Variants in JPH3 observed in about 807,000 individuals in gnomAD.
JPH3 encodes junctophilin-3.
Under a neutral mutation model 59.6 loss-of-function variants are expected in JPH3, and 11 were observed. The ratio of observed to expected loss-of-function variants is 0.18; its 90% CI spans 0.12 to 0.31. The LOEUF (loss-of-function observed/expected upper bound fraction) is 0.31. Ranked by LOEUF, JPH3 falls within the 10% of genes least tolerant of loss-of-function variation. The pLI, the probability that JPH3 is intolerant of heterozygous loss-of-function variation, is 1.00. For missense variants in JPH3, 1,202 were observed against 1,105.7 expected (o/e 1.09, Z -1.24); for synonymous variants, 673 against 483.6 (o/e 1.39, Z -5.14).
At chr16:87,675,188 C>T (rs2033113713) in intron 2 of JPH3, among the ~76,000 whole-genome samples, 1 of 146,012 alleles carries the variant, frequency 6.8e-6, no homozygotes, top group South Asian at 2.3e-4. Context: ...CCCCCCGCCC[C>T]TCCCCCGCCG....
rs565470642 is a variant in JPH3 at position 87,644,739 on chromosome 16, C to T, written c.864C>T (p.Tyr288=). The change falls in exon 2 of 5, where the codon TAC becomes TAT. Residue 288 remains tyrosine, a synonymous_variant. Transcript: ENST00000284262. ...TCGACGCCACCACCACCGAGACCTA[C>T]GTGGGCGAGTGGAAGAACGACAAAC... ...DDIDATTTET[Y]VGEWKNDKRS... The T allele has an allele frequency of 4.5e-5, 73 of 1,613,062 alleles. No individual in the cohort carries two copies. The highest frequency in any genetic ancestry group is 4.1e-4 in the South Asian group (37 of 91,074).
rs143854485 is a variant in JPH3 at position 87,690,220 on chromosome 16, G to A, written c.1860G>A (p.Arg620=). Residue 620 remains arginine, a synonymous_variant, in exon 4 of 5, where the codon AGG becomes AGA. Coordinates refer to ENST00000284262, the MANE Select transcript of JPH3 (RefSeq NM_020655.4). Reference sequence around the variant, plus strand: ...GGATGGAGATGAAACCCTTGCTGAGGATGGAGACGCATCCCCAGAAAAGAC... The same window carrying A: ...GGATGGAGATGAAACCCTTGCTGAGAATGGAGACGCATCCCCAGAAAAGAC... The part of the protein sequence containing the change: ...NYRMEMKPLL[R]METHPQKRRY... The A allele has an allele frequency of 3.3e-5, 53 of 1,604,462 alleles. No homozygotes were observed. Among genetic ancestry groups the A allele is most frequent in the Non-Finnish European group, 4.3e-5 (51 of 1,176,108 alleles).
chr16:87,644,955 C>G lies in JPH3; in HGVS notation c.1080C>G (p.Arg360=), dbSNP rs142622776. The change falls in exon 2 of 5, where the codon CGC becomes CGG. Residue 360 remains arginine, a synonymous_variant. Transcript: ENST00000284262. ...NLIPLRASKI[R]EKVDRAVEAA... is the part of the protein sequence containing the mutation. ...TCCCCCTGCGGGCCAGCAAGATCCG[C>G]GAGAAGGTGGACCGCGCCGTTGAGG... 6.2e-7 allele frequency: 1 copy of G among 1,611,618 alleles called. No individual in the cohort carries two copies. The highest frequency in any genetic ancestry group is 1.7e-5 in the Admixed American group (1 of 60,012).
At chr16:87,640,400 A>G (rs1193244105) in intron 1 of JPH3, among the ~76,000 whole-genome samples, 1 of 150,284 alleles carries the variant, frequency 6.7e-6, no homozygotes, top group Non-Finnish European at 1.5e-5. Flanking sequence ...TTATTTATGT[A>G]TTTGTTTAGA....
intron 2 of JPH3, among the ~76,000 whole-genome samples, chr16:87,665,085 G>A (rs1313362206): frequency 6.6e-6 from 1 of 152,224 alleles, no homozygotes; most frequent in Non-Finnish European, 1.5e-5. Flanking sequence ...CTTCCTTGCC[G>A]GAGCTCATCC....
In JPH3 at chr16:87,696,959, C is replaced by G. The variant is rs888530900; in HGVS notation, c.*299C>G. Reference sequence around the variant, plus strand: ...GGAGACAGAAGGGATCCCGGCACATCAGTGGTAACAGCGGACGTTGTCCTC... The same window carrying G: ...GGAGACAGAAGGGATCCCGGCACATGAGTGGTAACAGCGGACGTTGTCCTC... On this transcript the variant is annotated 3_prime_UTR_variant, in exon 5 of 5. Coordinates refer to ENST00000284262, the MANE Select transcript of JPH3 (RefSeq NM_020655.4). The G allele has an allele frequency of 9.9e-6, 4 of 402,632 alleles. No homozygotes were observed. Among genetic ancestry groups the G allele is most frequent in the Non-Finnish European group, 1.9e-5 (4 of 214,194 alleles). 24.9% of individuals were successfully genotyped at this position (402,632 alleles called of 1,614,324 possible).
At chr16:87,685,833 A>G (rs1392981215) in intron 3 of JPH3, among the ~76,000 whole-genome samples, 2 of 152,206 alleles carry the variant, frequency 1.3e-5, no homozygotes, top group African/African-American at 2.4e-5. Context: ...GACAGGGAAC[A>G]TTGAAGCCTC....
At position 87,644,882 on chromosome 16, in the gene JPH3, G is replaced by T; in HGVS notation, c.1007G>T (p.Gly336Val). Residue 336 changes from glycine (G) to valine (V), a missense_variant, in exon 2 of 5, where the codon GGC becomes GTC. Coordinates refer to ENST00000284262, the MANE Select transcript of JPH3 (RefSeq NM_020655.4). Reference sequence around the variant, plus strand: ...TTCCCGGACGGCACCAAGGAGGAGGGCAAGTACAAGCAGAACATCCTCGTC... The same window carrying T: ...TTCCCGGACGGCACCAAGGAGGAGGTCAAGTACAAGCAGAACATCCTCGTC... ...MTFPDGTKEEGKYKQNILVGG... is the reference protein window; with the variant it reads ...MTFPDGTKEEVKYKQNILVGG... 2 of 1,613,348 alleles carry T rather than the reference G, an allele frequency of 1.2e-6. No individual in the cohort carries two copies. Among genetic ancestry groups the T allele is most frequent in the Non-Finnish European group, 1.7e-6 (2 of 1,179,920 alleles).
intron 1 of JPH3, among the ~76,000 whole-genome samples, chr16:87,623,626 A>G (rs2031268542): frequency 6.6e-6 from 1 of 152,052 alleles, no homozygotes; most frequent in African/African-American, 2.4e-5. Context: ...GGAGCTGCAG[A>G]CCCCGAGTTC....
chr16:87,647,300 C>A (rs1438889831), intron 2 of JPH3, among the ~76,000 whole-genome samples: 1 of 151,858 alleles, frequency 6.6e-6, no homozygotes, highest in African/African-American at 2.4e-5. Context: ...AGTCCCCAGC[C>A]CTTGGGACGC....
Position 87,690,299 on chromosome 16 carries a change from G to T in JPH3, c.1939G>T (p.Asp647Tyr). ...CTTGGGGGACGACCACCGCCCCGAG[G>T]ACCGGGGCTTCGGGGTGCAGAGACT... ...RGLGDDHRPE[D>Y]RGFGVQRLRS... The change falls in exon 4 of 5, where the codon GAC becomes TAC. Residue 647 changes from aspartate to tyrosine, a missense_variant. By Grantham distance (160) the Asp-to-Tyr change is radical (BLOSUM62 -3). Transcript: ENST00000284262. 6.3e-7 allele frequency: 1 copy of T among 1,597,414 alleles called. No homozygotes were observed. Among genetic ancestry groups the T allele is most frequent in the Non-Finnish European group, 8.5e-7 (1 of 1,172,482 alleles).
chr16:87,671,122 T>G (rs903003285), intron 2 of JPH3, among the ~76,000 whole-genome samples: 3 of 152,112 alleles, frequency 2.0e-5, no homozygotes, highest in African/African-American at 7.2e-5. Flanking sequence ...CATTGAGTCT[T>G]TGTAACTTGT....
At chr16:87,632,253 C>T (rs2031586704) in intron 1 of JPH3, among the ~76,000 whole-genome samples, 1 of 152,186 alleles carries the variant, frequency 6.6e-6, no homozygotes, top group Non-Finnish European at 1.5e-5. Context: ...CCAGTGCCTG[C>T]TGAAGCATTG....
chr16:87,694,612 TG>T (rs2033730156), intron 4 of JPH3: 1 of 152,614 alleles, frequency 6.6e-6, no homozygotes, highest in Non-Finnish European at 1.5e-5. Flanking sequence ...GGTGCGGCCC[TG>T]GAGAGCTGAC....
Position 87,644,611 on chromosome 16 carries a change from A to C in JPH3, c.736A>C (p.Ser246Arg). ...ACGCAGCAAGCAGAGCTCCTTTCGC[A>C]GCGAGGCGGGCATGAGCACCGTCAG... Reference protein sequence around the residue: ...SQRSKQSSFRSEAGMSTVSST... With the variant: ...SQRSKQSSFRREAGMSTVSST... Residue 246 changes from serine (S) to arginine (R), a missense_variant, in exon 2 of 5, where the codon AGC becomes CGC. Coordinates refer to ENST00000284262, the MANE Select transcript of JPH3 (RefSeq NM_020655.4). 6.2e-7 allele frequency: 1 copy of C among 1,612,716 alleles called. No individual in the cohort carries two copies. The highest frequency in any genetic ancestry group is 8.5e-7 in the Non-Finnish European group (1 of 1,179,854).
intron 2 of JPH3, among the ~76,000 whole-genome samples, chr16:87,673,318 A>T (rs888520302): frequency 3.2e-4 from 12 of 38,064 alleles, no homozygotes; most frequent in African/African-American, 2.0e-3. Context: ...GGAGAGATTT[A>T]AAAAAAAAAA....
chr16:87,656,627 G>C (rs1274990787), intron 2 of JPH3, among the ~76,000 whole-genome samples: 1 of 152,194 alleles, frequency 6.6e-6, no homozygotes, highest in Admixed American at 6.5e-5. Flanking sequence ...GCCCTGGCTT[G>C]GGTTCAAGCC....
chr16:87,695,720 C>T, intron 4 of JPH3: 1 of 419,714 alleles, frequency 2.4e-6, no homozygotes. Flanking sequence ...AGGGGCCACG[C>T]TCCCTCTCCC....
intron 1 of JPH3, among the ~76,000 whole-genome samples, chr16:87,633,797 C>CG (rs936518638): frequency 4.8e-4 from 72 of 151,166 alleles, no homozygotes; most frequent in African/African-American, 1.7e-3. Flanking sequence ...GACTCCATTG[C>CG]GAAAAATAAA....
Sources: gnomAD v4.1 joint callset for allele counts (sites outside exome capture counted in the v4.1 genomes callset) on GRCh38, gnomAD v4.1.1 for gene constraint, MANE v1.5 for transcripts, NCBI Gene and HGNC (gene_info 2026-07-23, HGNC 2026-07-21) for gene names.